Variants in MINDY4 observed in about 807,000 individuals in gnomAD.
MINDY4 encodes the protein probable ubiquitin carboxyl-terminal hydrolase MINDY-4.
A neutral mutation model predicts 87.0 loss-of-function variants in MINDY4; 68 were observed. That is an observed-to-expected ratio of 0.78 (90% confidence interval 0.64 to 0.96). The LOEUF is 0.96. Among genes scored for constraint, MINDY4 ranks in the 40% least tolerant of loss-of-function variants. The pLI, the probability that MINDY4 is intolerant of heterozygous loss-of-function variation, is 0.00. For synonymous variants in MINDY4, 379 were observed against 363.2 expected, an observed-to-expected ratio of 1.04 and a Z score of -0.50; for missense variants, 919 against 928.2, an observed-to-expected ratio of 0.99 and a Z score of 0.13.
intron 6 of MINDY4, among the ~76,000 whole-genome samples, chr7:30,834,775 A>T (rs1788808376): frequency 6.6e-6 from 1 of 152,136 alleles, no homozygotes; most frequent in South Asian, 2.1e-4. Context: ...CTTCCACCAG[A>T]TACCCTAAAT....
chr7:30,891,707 G>T (rs1393224082), intron 17 of MINDY4, among the ~76,000 whole-genome samples: 1 of 152,192 alleles, frequency 6.6e-6, no homozygotes, highest in Admixed American at 6.5e-5. Context: ...AGTAGGTTGT[G>T]GCACAAAAGA....
chr7:30,877,569 TCTC>T (rs1169676245), intron 15 of MINDY4, among the ~76,000 whole-genome samples: 4 of 151,916 alleles, frequency 2.6e-5, no homozygotes, highest in Non-Finnish European at 5.9e-5. Flanking sequence ...CCTGGCCTCC[TCTC>T]CTCCTCCATG....
chr7:30,865,420 A>C (rs1321163436), intron 13 of MINDY4, among the ~76,000 whole-genome samples: 1 of 152,250 alleles, frequency 6.6e-6, no homozygotes, highest in South Asian at 2.1e-4. Context: ...AGGTGGACCC[A>C]CGGGGGCATG....
intron 5 of MINDY4, among the ~76,000 whole-genome samples, chr7:30,811,821 G>T (rs1264991137): frequency 6.6e-6 from 1 of 152,130 alleles, no homozygotes; most frequent in East Asian, 1.9e-4. Context: ...CTCTCATGCG[G>T]ACTCCCTTAG....
Position 30,859,300 on chromosome 7 carries a change from C to T in MINDY4, c.1721C>T (p.Ala574Val), listed in dbSNP as rs1162984587. The change falls in exon 13 of 18, where the codon GCC becomes GTC. Residue 574 changes from alanine to valine, a missense_variant. By Grantham distance (64) the Ala-to-Val change is moderately conservative. Transcript: ENST00000265299. ...GGCTGCATCCTGCTCACCCTTTCTG[C>T]CATCCTGTCCAGGTCTACAGAGCTG... ...PYGCILLTLS[A>V]ILSRSTELIR... 7 of 1,614,010 alleles carry T rather than the reference C, an allele frequency of 4.3e-6. No individual in the cohort carries two copies. In the Admixed American group the frequency reaches 5.0e-5, roughly 12 times the overall value.
At chr7:30,817,767 A>G (rs1788200758) in intron 5 of MINDY4, among the ~76,000 whole-genome samples, 1 of 152,242 alleles carries the variant, frequency 6.6e-6, no homozygotes, top group Non-Finnish European at 1.5e-5. Flanking sequence ...CTTACCTAGC[A>G]TGTGCGTGTC....
chr7:30,772,895 A>G (rs995399565), intron 1 of MINDY4, among the ~76,000 whole-genome samples: 5 of 152,136 alleles, frequency 3.3e-5, no homozygotes, highest in Admixed American at 1.3e-4. Context: ...AATGAAATCC[A>G]GTGTCCTCAC....
chr7:30,790,966 G>A (rs1253382853), intron 4 of MINDY4, among the ~76,000 whole-genome samples, 199 bp from the exon 5 acceptor site: 1 of 152,204 alleles, frequency 6.6e-6, no homozygotes, highest in African/African-American at 2.4e-5. Context: ...CAGGCGGGGT[G>A]TGCATCACTG....
chr7:30,772,229 T>C (rs1786665493), intron 1 of MINDY4, among the ~76,000 whole-genome samples: 1 of 152,112 alleles, frequency 6.6e-6, no homozygotes, highest in South Asian at 2.1e-4. Flanking sequence ...CATTAGCTCA[T>C]TCAGCACATG....
intron 5 of MINDY4, among the ~76,000 whole-genome samples, chr7:30,804,720 G>A (rs1787755769): frequency 6.6e-6 from 1 of 152,204 alleles, no homozygotes. Context: ...ATATTTACAA[G>A]TGGGGAAACT....
intron 5 of MINDY4, among the ~76,000 whole-genome samples, chr7:30,818,107 C>T (rs1479153736): frequency 6.6e-6 from 1 of 152,022 alleles, no homozygotes; most frequent in Non-Finnish European, 1.5e-5. Context: ...CTTTCCTTCC[C>T]TTGAGCATGC....
chr7:30,882,717 T>C (rs1467964338), intron 16 of MINDY4, among the ~76,000 whole-genome samples: 3 of 150,264 alleles, frequency 2.0e-5, no homozygotes, highest in African/African-American at 2.5e-5. Flanking sequence ...AGAAAGAGTA[T>C]TGTGGTAGCT....
chr7:30,809,839 A>G (rs1280565038), intron 5 of MINDY4, among the ~76,000 whole-genome samples: 2 of 152,224 alleles, frequency 1.3e-5, no homozygotes, highest in East Asian at 1.9e-4. Flanking sequence ...AGAGTGTTAT[A>G]TAGCAAATTC....
chr7:30,843,752 C>T (rs535343982), intron 9 of MINDY4, among the ~76,000 whole-genome samples: 22 of 146,808 alleles, frequency 1.5e-4, no homozygotes, highest in African/African-American at 5.2e-4. Flanking sequence ...GGTTTTCTAT[C>T]TGTCGTTGCC....
intron 5 of MINDY4, among the ~76,000 whole-genome samples, chr7:30,815,677 C>T (rs185658269): frequency 9.8e-4 from 150 of 152,298 alleles, no homozygotes; most frequent in East Asian, 8.9e-3. Context: ...ACTTTTCCTT[C>T]GAGAAGATAT....
chr7:30,815,848 G>A (rs1215074934), intron 5 of MINDY4, among the ~76,000 whole-genome samples: 2 of 152,166 alleles, frequency 1.3e-5, no homozygotes, highest in Non-Finnish European at 2.9e-5. Flanking sequence ...GGGCCACAAA[G>A]TCCTGGTGTG....
At chr7:30,887,953 A>G (rs1032551454) in intron 17 of MINDY4, among the ~76,000 whole-genome samples, 1 of 152,182 alleles carries the variant, frequency 6.6e-6, no homozygotes, top group African/African-American at 2.4e-5. Flanking sequence ...CGGGAACGGA[A>G]ACTTTCACAC....
At chr7:30,798,225 A>G (rs960589471) in intron 5 of MINDY4, among the ~76,000 whole-genome samples, 5 of 152,226 alleles carry the variant, frequency 3.3e-5, no homozygotes, top group African/African-American at 4.8e-5. Context: ...ATCTAAATTT[A>G]GGAAAGGTAC....
chr7:30,859,153 G>T, intron 12 of MINDY4, 104 bp from the exon 13 acceptor site: 1 of 1,157,370 alleles, frequency 8.6e-7, no homozygotes, highest in South Asian at 1.3e-5. Context: ...GAGGCAGTTG[G>T]CTCAGGGCAG....
Sources: allele counts gnomAD v4.1 joint callset (sites outside exome capture counted in the v4.1 genomes callset), GRCh38; gene constraint gnomAD v4.1.1; transcripts MANE v1.5; gene names NCBI Gene and HGNC (gene_info 2026-07-23, HGNC 2026-07-21).